Variants in TBC1D1 observed in about 807,000 individuals in gnomAD.
TBC1D1 encodes TBC1 (tre-2/USP6, BUB2, cdc16) domain family, member 1.
Under a neutral mutation model 125.6 loss-of-function variants are expected in TBC1D1, and 89 were observed. That is an observed-to-expected ratio of 0.71 (90% confidence interval 0.60 to 0.85). TBC1D1 has a LOEUF of 0.85. Ranked by LOEUF, TBC1D1 falls within the 40% of genes least tolerant of loss-of-function variation. The probability of loss-of-function intolerance (pLI) is 0.00; values close to 1 mark genes in which losing one functional copy is unlikely to be tolerated. For synonymous variants in TBC1D1, 565 were observed against 564.1 expected (o/e 1.00, Z -0.02); for missense variants, 1,377 against 1,469.2 (o/e 0.94, Z 1.03).
intron 6 of TBC1D1, among the ~76,000 whole-genome samples, chr4:38,025,341 T>C (rs528965453): frequency 6.6e-6 from 1 of 152,352 alleles, no homozygotes; most frequent in South Asian, 2.1e-4. Context: ...GGAGATGCGT[T>C]CAGTGGGGAA....
chr4:38,038,948 G>GAAAA (rs565226039), intron 8 of TBC1D1, among the ~76,000 whole-genome samples: 1,719 of 137,802 alleles, frequency 0.012, 59 homozygotes, highest in African/African-American at 0.044. Flanking sequence ...TCCCTCTCGG[G>GAAAA]AAAAAAAAAA....
At chr4:38,027,912 GAA>G in intron 7 of TBC1D1, 33 bp downstream of exon 7, 1 of 1,470,302 alleles carries the variant, frequency 6.8e-7, no homozygotes, top group Non-Finnish European at 9.3e-7. Context: ...TAGAAGGAAA[GAA>G]AAGGCAGGCA....
At chr4:38,063,671 C>T (rs1753168839) in intron 12 of TBC1D1, among the ~76,000 whole-genome samples, 1 of 151,854 alleles carries the variant, frequency 6.6e-6, no homozygotes, top group Non-Finnish European at 1.5e-5. Context: ...CTCTGTCGCC[C>T]AGGCTGGAGT....
intron 12 of TBC1D1, among the ~76,000 whole-genome samples, chr4:38,057,270 C>T (rs1751902414): frequency 6.6e-6 from 1 of 152,346 alleles, no homozygotes; most frequent in Non-Finnish European, 1.5e-5. Flanking sequence ...CCACCCGAGC[C>T]CTGGCACAGG....
intron 2 of TBC1D1, among the ~76,000 whole-genome samples, chr4:37,960,128 C>CATTAAACAAACAAT (rs1560533405): frequency 6.6e-6 from 1 of 152,006 alleles, no homozygotes; most frequent in African/African-American, 2.4e-5. Flanking sequence ...TGGTTTTTGA[C>CATTAAACAAACAAT]CATTTAACAA....
intron 2 of TBC1D1, among the ~76,000 whole-genome samples, chr4:37,987,502 C>G (rs369662206): frequency 6.6e-6 from 1 of 152,186 alleles, no homozygotes; most frequent in African/African-American, 2.4e-5. Context: ...TCTTGTTCCA[C>G]TGAGAAACTG....
At chr4:37,966,787 C>A (rs1356463912) in intron 2 of TBC1D1, among the ~76,000 whole-genome samples, 1 of 152,144 alleles carries the variant, frequency 6.6e-6, no homozygotes, top group Admixed American at 6.6e-5. Context: ...CAACAGGCCC[C>A]GGTGTGTGAT....
intron 2 of TBC1D1, among the ~76,000 whole-genome samples, chr4:37,956,844 C>A (rs1435798548): frequency 1.3e-5 from 2 of 151,674 alleles, no homozygotes; most frequent in African/African-American, 4.8e-5. Flanking sequence ...GAGGCTGAGG[C>A]ACGAGAATCA....
chr4:38,127,924 C>A (rs144985873), intron 18 of TBC1D1, among the ~76,000 whole-genome samples: 1 of 152,144 alleles, frequency 6.6e-6, no homozygotes, highest in Non-Finnish European at 1.5e-5. Flanking sequence ...CGGGTCATAA[C>A]GTCACAACTA....
At chr4:37,913,485 G>C (rs1190101981) in intron 2 of TBC1D1, among the ~76,000 whole-genome samples, 14 of 151,968 alleles carry the variant, frequency 9.2e-5, no homozygotes, top group Admixed American at 9.2e-4. Flanking sequence ...TGTAATCCCA[G>C]CTACTCAGGA....
Position 38,014,480 on chromosome 4 carries a change from C to G in TBC1D1, c.418-29C>G. ...GTGAGTGCCAGCCACACTGCATGTT[C>G]CAAATAACACGCCTCTCTCTCTCCT... On this transcript the variant is annotated intron_variant, in intron 2 of 19. Transcript: ENST00000261439. This position sits in a 1 kb window ranked among gnomAD's most constrained non-coding sequence, Gnocchi z 5.1. The G allele has an allele frequency of 1.3e-6, 2 of 1,598,948 alleles. No homozygotes were observed. The highest frequency in any genetic ancestry group is 1.7e-6 in the Non-Finnish European group (2 of 1,168,532).
At chr4:38,130,502 C>T (rs1247884195) in intron 18 of TBC1D1, among the ~76,000 whole-genome samples, 1 of 152,116 alleles carries the variant, frequency 6.6e-6, no homozygotes, top group African/African-American at 2.4e-5. Flanking sequence ...TGACTGAAAA[C>T]TATGAAGAAC....
intron 1 of TBC1D1, among the ~76,000 whole-genome samples, chr4:37,896,428 A>G (rs1228350801): frequency 6.6e-6 from 1 of 152,060 alleles, no homozygotes; most frequent in African/African-American, 2.4e-5. Context: ...TCCTTTCTTC[A>G]TGTACCTCCC....
At chr4:37,929,197 T>C (rs936798134) in intron 2 of TBC1D1, among the ~76,000 whole-genome samples, 6 of 152,250 alleles carry the variant, frequency 3.9e-5, no homozygotes, top group African/African-American at 1.4e-4. Context: ...ATAGCCAGTC[T>C]AGCATTTATC....
intron 2 of TBC1D1, among the ~76,000 whole-genome samples, chr4:37,992,410 G>A (rs1240179479): frequency 1.3e-5 from 2 of 152,112 alleles, no homozygotes; most frequent in Non-Finnish European, 2.9e-5. Context: ...TGGGAAACAA[G>A]GAAGTAGGAA....
intron 2 of TBC1D1, among the ~76,000 whole-genome samples, chr4:37,978,493 TATC>T (rs1210580971): frequency 2.6e-5 from 4 of 152,244 alleles, no homozygotes; most frequent in Non-Finnish European, 5.9e-5. Flanking sequence ...TGTCTTGAGT[TATC>T]ATGCAATGCT....
At chr4:37,982,520 C>T (rs1734538966) in intron 2 of TBC1D1, among the ~76,000 whole-genome samples, 1 of 152,160 alleles carries the variant, frequency 6.6e-6, no homozygotes, top group Non-Finnish European at 1.5e-5. Flanking sequence ...AGGATTTCAG[C>T]AGAGTTCCTG....
intron 2 of TBC1D1, among the ~76,000 whole-genome samples, chr4:37,979,629 C>T (rs796382329): frequency 6.6e-6 from 1 of 152,224 alleles, no homozygotes; most frequent in Admixed American, 6.5e-5. Context: ...GAGCACAGGC[C>T]TCACACAAAC....
At chr4:37,953,253 G>A (rs1025936925) in intron 2 of TBC1D1, among the ~76,000 whole-genome samples, 1 of 152,260 alleles carries the variant, frequency 6.6e-6, no homozygotes, top group African/African-American at 2.4e-5. Flanking sequence ...ACAGATAAGA[G>A]AGAAATGGTG....
Sources: gnomAD v4.1 joint callset for allele counts (sites outside exome capture counted in the v4.1 genomes callset) on GRCh38, gnomAD v4.1.1 for gene constraint, Gnocchi (gnomAD v3.1) non-coding constraint, MANE v1.5 for transcripts, NCBI Gene and HGNC (gene_info 2026-07-23, HGNC 2026-07-21) for gene names.